The following DHX29 variants were observed in gnomAD, a reference collection of about 807,000 sequenced individuals.
The protein encoded by DHX29 is DExH-box helicase 29, also known as ATP-dependent RNA helicase DHX29.
A neutral mutation model predicts 167.9 loss-of-function variants in DHX29; 79 were observed. The observed-to-expected ratio is 0.47, with a 90% CI of 0.39 to 0.57. The LOEUF (loss-of-function observed/expected upper bound fraction) is 0.57. Ranked by LOEUF, DHX29 falls within the 20% of genes least tolerant of loss-of-function variation. DHX29 has a pLI of 0.00. For synonymous variants in DHX29, 530 were observed against 546.0 expected (o/e 0.97, Z 0.41); for missense variants, 1,347 against 1,593.4 (o/e 0.85, Z 2.63).
In DHX29 at chr5:55,269,497, G is replaced by A. The variant is rs1279339890; in HGVS notation, c.3210C>T (p.Gly1070=). ...ELNEPKLTPL[G]QHLAALPVNV... ...TCACAGGTAAAGCTGCAAGGTGTTG[G>A]CCCAACGGAGTCAGTTTAGGCTCAT... is the stretch of plus-strand genomic sequence containing the variant. Residue 1070 remains glycine, a synonymous_variant, in exon 21 of 27, where the codon GGC becomes GGT. Coordinates refer to ENST00000251636, the MANE Select transcript of DHX29 (RefSeq NM_019030.4). 6.2e-7 allele frequency: 1 copy of A among 1,613,970 alleles called. No individual in the cohort carries two copies. Among genetic ancestry groups the A allele is most frequent in the Non-Finnish European group, 8.5e-7 (1 of 1,180,018 alleles).
rs564976318 is a variant in DHX29, at chr5:55,282,921, C to T, written c.1965+282G>A. ...AGTTTGTCCACATTCTTTGGCTGTT[C>T]AATTTAGTGTGTAACATATTTGAAT... On this transcript the variant is annotated intron_variant, in intron 11 of 26. Coordinates refer to ENST00000251636, the MANE Select transcript of DHX29 (RefSeq NM_019030.4). 7 of 221,498 alleles carry T rather than the reference C, an allele frequency of 3.2e-5. No homozygotes were observed. In the South Asian group the frequency reaches 1.2e-3, roughly 36 times the overall value. 13.7% of individuals were successfully genotyped at this position (221,498 alleles called of 1,614,324 possible). A position where few individuals can be genotyped will look rare whatever the true frequency, so the allele number is the denominator to read the frequency against.
In DHX29 at chr5:55,261,425, A is replaced by G. The variant is rs1746309540; in HGVS notation, c.3903T>C (p.Asp1301=). 6.4e-7 allele frequency: 1 copy of G among 1,571,712 alleles called. No homozygotes were observed. The highest frequency in any genetic ancestry group is 8.8e-7 in the Non-Finnish European group (1 of 1,141,844). ...GACGTTCTCGGTGCTGAACTTCTATATCACCACCAAAAAGTAAAACTGGAA... is the reference window on the plus strand; with the variant it reads ...GACGTTCTCGGTGCTGAACTTCTATGTCACCACCAAAAAGTAAAACTGGAA... ...TPFPVLLFGG[D]IEVQHRERLL... Residue 1301 remains aspartate (D), a synonymous_variant, in exon 25 of 27, where the codon GAT becomes GAC. Transcript: ENST00000251636.
chr5:55,256,211 C>T lies in DHX29; in HGVS notation c.*277G>A. ...AAGCTACAGATACCACAGACATAGG[C>T]CTTGCCCTTATTAACACAACGATGA... On this transcript the variant is annotated 3_prime_UTR_variant, in exon 27 of 27. Coordinates refer to ENST00000251636, the MANE Select transcript of DHX29 (RefSeq NM_019030.4). 3.9e-6 allele frequency: 1 copy of T among 254,636 alleles called. No homozygotes were observed. The highest frequency in any genetic ancestry group is 7.5e-6 in the Non-Finnish European group (1 of 132,574). 15.8% of individuals were successfully genotyped at this position (254,636 alleles called of 1,614,324 possible).
intron 26 of DHX29, among the ~76,000 whole-genome samples, chr5:55,257,150 C>T (rs1400229946): frequency 6.6e-6 from 1 of 152,182 alleles, no homozygotes. Flanking sequence ...GCATTATTTG[C>T]TAAAGGGGTT....
Position 55,283,417 on chromosome 5 carries a change from G to C in DHX29, c.1751C>G (p.Thr584Ser), listed in dbSNP as rs751716607. 6.2e-7 allele frequency: 1 copy of C among 1,614,028 alleles called. No individual in the cohort carries two copies. Among genetic ancestry groups the C allele is most frequent in the African/African-American group, 1.3e-5 (1 of 74,918 alleles). Reference protein sequence around the residue: ...VFKHRDSIVETLKRHRVVVVA... With the variant: ...VFKHRDSIVESLKRHRVVVVA... ...AACCACTACCCGATGCCTTTTAAGAGTTTCAACAATTGAGTCCCGATGTTT... is the reference window on the plus strand; with the variant it reads ...AACCACTACCCGATGCCTTTTAAGACTTTCAACAATTGAGTCCCGATGTTT... Residue 584 changes from threonine to serine, a missense_variant, in exon 11 of 27, where the codon ACT (threonine) becomes AGT (serine). Thr to Ser is a moderately conservative substitution (Grantham distance 58). Coordinates refer to ENST00000251636, the MANE Select transcript of DHX29 (RefSeq NM_019030.4).
chr5:55,303,653 G>A (rs924366543), intron 1 of DHX29, among the ~76,000 whole-genome samples: 5 of 152,030 alleles, frequency 3.3e-5, no homozygotes, highest in Admixed American at 2.6e-4. Flanking sequence ...TTCTTTCTTC[G>A]CTCCAGCCAC....
chr5:55,282,454 C>T lies in DHX29; in HGVS notation c.1965+749G>A, dbSNP rs533927299. Among the ~76,000 whole-genome samples the T allele has an allele frequency of 4.6e-5, 7 of 151,912 alleles. No homozygotes were observed. In the South Asian group the frequency reaches 1.5e-3, roughly 32 times the overall value. ...CAGCAGAAACCGTGCCTTTTTTTTCCTCCTCTATTCCATGACAGAAACCCA... is the reference window on the plus strand; with the variant it reads ...CAGCAGAAACCGTGCCTTTTTTTTCTTCCTCTATTCCATGACAGAAACCCA... On this transcript the variant is annotated intron_variant, in intron 11 of 26. Coordinates refer to ENST00000251636, the MANE Select transcript of DHX29 (RefSeq NM_019030.4).
At chr5:55,266,008 T>C (rs1045285616) in intron 23 of DHX29, among the ~76,000 whole-genome samples, 1 of 152,154 alleles carries the variant, frequency 6.6e-6, no homozygotes, top group South Asian at 2.1e-4. Flanking sequence ...TTTTTCCTTT[T>C]CTTTTTTTTG....
At chr5:55,286,669 C>G (rs1311003100) in intron 8 of DHX29, among the ~76,000 whole-genome samples, 1 of 152,186 alleles carries the variant, frequency 6.6e-6, no homozygotes, top group Non-Finnish European at 1.5e-5. Context: ...GTCAATTCTT[C>G]AATGCTCTAA....
rs1461991950 is a variant in DHX29, at chr5:55,307,410, G to A, written c.164C>T (p.Ser55Phe). 6.2e-7 allele frequency: 1 copy of A among 1,613,156 alleles called. No homozygotes were observed. The highest frequency in any genetic ancestry group is 8.5e-7 in the Non-Finnish European group (1 of 1,179,790). ...ACCTTGCTTGACACGGGGCTCCCTGGAGCCGGCAGCGGCAGCGGCAGCGGT... is the reference window on the plus strand; with the variant it reads ...ACCTTGCTTGACACGGGGCTCCCTGAAGCCGGCAGCGGCAGCGGCAGCGGT... ...PATAAAAAAG[S>F]REPRVKQGPK... The change falls in exon 1 of 27, where the codon TCC (serine) becomes TTC (phenylalanine). Residue 55 changes from serine to phenylalanine, a missense_variant. Ser to Phe is a radical substitution (Grantham distance 155). Around this residue, in one of 3 missense-constraint regions of DHX29, gnomAD observed 405 missense variants for 416.8 expected, o/e 0.97. Transcript: ENST00000251636.
chr5:55,256,581 A>T, intron 26 of DHX29, 41 bp from the exon 27 acceptor site: 3 of 1,563,368 alleles, frequency 1.9e-6, no homozygotes, highest in Non-Finnish European at 2.6e-6. Context: ...TAAATGCAAC[A>T]TTGTCTAATT....
At position 55,307,533 on chromosome 5, in the gene DHX29, G is replaced by A. The variant is rs2112003750; in HGVS notation, c.41C>T (p.Ala14Val). Residue 14 changes from alanine (A) to valine (V), a missense_variant, in exon 1 of 27, where the codon GCG (alanine) becomes GTG (valine). Physicochemically the swap from Ala to Val is moderately conservative, Grantham distance 64 (BLOSUM62 0). This residue lies in a region of DHX29 where 405 missense variants were observed against 416.8 expected (regional missense o/e 0.97). Coordinates refer to ENST00000251636, the MANE Select transcript of DHX29 (RefSeq NM_019030.4). ...AGCAGACACGGCGGCCCGGACCACC[G>A]CGGCCGCTGGAGCCTTGTGTTTCTT... The part of the protein sequence containing the change: ...KNKKHKAPAA[A>V]VVRAAVSASR... 1.2e-6 allele frequency: 2 copies of A among 1,613,474 alleles called. No individual in the cohort carries two copies. Among genetic ancestry groups the A allele is most frequent in the African/African-American group, 2.7e-5 (2 of 75,066 alleles).
At chr5:55,266,789 T>C (rs1746599574) in intron 23 of DHX29, among the ~76,000 whole-genome samples, 1 of 151,904 alleles carries the variant, frequency 6.6e-6, no homozygotes, top group African/African-American at 2.4e-5. Flanking sequence ...TTAATTTTTT[T>C]ATTTTTGGTA....
rs1373029841 is a variant in DHX29 at position 55,288,792 on chromosome 5, G to A, written c.1066+478C>T. ...GCTGGGAACAGGTTGGCCAAGTAGG[G>A]GGTAGCAAGATGAGCGAAGTAATGA... On this transcript the variant is annotated intron_variant, in intron 8 of 26. Transcript: ENST00000251636. 2.6e-5 allele frequency among the ~76,000 whole-genome samples: 4 copies of A among 152,146 alleles called. No homozygotes were observed. The South Asian group carries it at 8.3e-4, about 32-fold the overall frequency.
chr5:55,296,531 T>C (rs1748330128), intron 3 of DHX29, among the ~76,000 whole-genome samples, 182 bp from the exon 4 acceptor site: 1 of 152,134 alleles, frequency 6.6e-6, no homozygotes, highest in Non-Finnish European at 1.5e-5. Context: ...CAGAGATCTT[T>C]AAAAAAGAGA....
intron 1 of DHX29, among the ~76,000 whole-genome samples, chr5:55,301,945 G>T (rs887531070): frequency 1.3e-5 from 2 of 152,104 alleles, no homozygotes; most frequent in Non-Finnish European, 2.9e-5. Flanking sequence ...AAAAGTTTTT[G>T]AGAATAACTA....
intron 1 of DHX29, among the ~76,000 whole-genome samples, chr5:55,306,519 T>A (rs1341446771): frequency 1.3e-5 from 2 of 150,860 alleles, no homozygotes; most frequent in Admixed American, 6.7e-5. Flanking sequence ...TATAAGGCTA[T>A]AAATATGTCT....
intron 11 of DHX29, among the ~76,000 whole-genome samples, chr5:55,282,247 C>T (rs1018010902): frequency 3.9e-5 from 6 of 152,148 alleles, no homozygotes; most frequent in Non-Finnish European, 8.8e-5. Flanking sequence ...TTTTAAGCAG[C>T]TTCTATAATT....
rs1348530741 is a variant in DHX29 at position 55,277,141 on chromosome 5, T to G, written c.2251A>C (p.Ile751Leu). The change falls in exon 13 of 27, where the codon ATT becomes CTT. Residue 751 changes from isoleucine to leucine, a missense_variant. Ile to Leu is a conservative substitution (Grantham distance 5, BLOSUM62 2). Around this residue, in one of 3 missense-constraint regions of DHX29, gnomAD observed 882 missense variants for 1,082.4 expected, o/e 0.81. Coordinates refer to ENST00000251636, the MANE Select transcript of DHX29 (RefSeq NM_019030.4). Reference protein sequence around the residue: ...KFSTYFTHCPILRISGRSYPV... With the variant: ...KFSTYFTHCPLLRISGRSYPV... ...TAACTTCTTCCTGAAATTCTGAGAA[T>G]GGGGCAGTGTGTGAAATATGTAGAA... The G allele has an allele frequency of 6.2e-7, 1 of 1,612,510 alleles. No individual in the cohort carries two copies. The highest frequency in any genetic ancestry group is 1.7e-5 in the Admixed American group (1 of 59,830).
Sources: gnomAD v4.1 joint callset for allele counts (sites outside exome capture counted in the v4.1 genomes callset) on GRCh38, gnomAD v4.1.1 for gene constraint, gnomAD v4.1.1 regional missense constraint, MANE v1.5 for transcripts, NCBI Gene and HGNC (gene_info 2026-07-23, HGNC 2026-07-21) for gene names.